Variants in BBS2 observed in about 807,000 individuals in gnomAD.
BBS2 encodes the protein BBSome complex member BBS2.
A neutral mutation model predicts 83.0 loss-of-function variants in BBS2; 62 were observed. That is an observed-to-expected ratio of 0.75 (90% confidence interval 0.61 to 0.92). The LOEUF (loss-of-function observed/expected upper bound fraction) is 0.92. Ranked by LOEUF, BBS2 falls within the 40% of genes least tolerant of loss-of-function variation. The pLI is 0.00. For missense variants in BBS2, 784 were observed against 901.0 expected (o/e 0.87, Z 1.66); for synonymous variants, 303 against 326.1 (o/e 0.93, Z 0.76).
intron 14 of BBS2, 137 bp downstream of exon 14, chr16:56,497,606 G>T: frequency 1.7e-6 from 2 of 1,169,876 alleles, no homozygotes; most frequent in Non-Finnish European, 2.5e-6. Context: ...TCCAATACTA[G>T]TTCAATTTTT....
intron 14 of BBS2, 145 bp from the exon 15 acceptor site, chr16:56,497,224 ATC>A: frequency 1.4e-6 from 1 of 700,672 alleles, no homozygotes; most frequent in African/African-American, 1.7e-5. Flanking sequence ...CCGTTATTTC[ATC>A]TCTGTCTCAA....
rs1407155884 is a variant in BBS2 at position 56,474,724 on chromosome 16, G to C, written c.*1-4029C>G. On this transcript the variant is annotated intron_variant, in intron 17 of 17. Coordinates refer to the BBS2 transcript ENST00000682047. ...CTTCAATCAAAGGTTTGTGGGAATG[G>C]TTTCCCTGTGTTGCTGTATCATTCC... The C allele has an allele frequency of 3.6e-6, 3 of 824,980 alleles. No individual in the cohort carries two copies. The East Asian group carries it at 8.1e-5, about 22-fold the overall frequency. The allele number at this position is 824,980 out of a possible 1,614,324, so 51.1% of individuals were successfully genotyped here.
intron 8 of BBS2, 85 bp from the exon 9 acceptor site, chr16:56,502,541 T>C: frequency 6.2e-7 from 1 of 1,610,718 alleles, no homozygotes; most frequent in Non-Finnish European, 8.5e-7. Context: ...AAACCTAAGT[T>C]CTCCCCAACT....
At chr16:56,500,709 A>C in intron 11 of BBS2, 145 bp downstream of exon 11, 2 of 756,874 alleles carry the variant, frequency 2.6e-6, no homozygotes, top group Non-Finnish European at 2.2e-6. Flanking sequence ...CTGAGGAAAT[A>C]AAAGGTCATG....
chr16:56,510,054 C>T lies in BBS2; in HGVS notation c.535-20G>A, dbSNP rs1043239214. ...AAGAAGCTGAAGGGGAAATATCATA[C>T]ATGTTCAGGTGAGTAAGTGCAAACA... On this transcript the variant is annotated intron_variant, in intron 4 of 16. Transcript: ENST00000245157. The T allele has an allele frequency of 1.9e-6, 3 of 1,612,064 alleles. No homozygotes were observed. The highest frequency in any genetic ancestry group is 1.1e-5 in the South Asian group (1 of 91,028).
intron 7 of BBS2, 122 bp from the exon 8 acceptor site, chr16:56,502,930 A>C: frequency 8.0e-7 from 1 of 1,255,872 alleles, no homozygotes; most frequent in Non-Finnish European, 1.1e-6. Flanking sequence ...TATTCTATGA[A>C]GCCCTACAAC....
chr16:56,507,782 A>G (rs902511006), intron 5 of BBS2, among the ~76,000 whole-genome samples: 8 of 152,310 alleles, frequency 5.3e-5, no homozygotes, highest in African/African-American at 1.9e-4. Flanking sequence ...AGTCTGGCCA[A>G]CATGACGAAA....
At chr16:56,476,360 T>C in intron 17 of BBS2, 1 of 555,392 alleles carries the variant, frequency 1.8e-6, no homozygotes, top group Non-Finnish European at 3.0e-6. Flanking sequence ...ATGATTGTCC[T>C]CAACCGAGAC....
intron 17 of BBS2, among the ~76,000 whole-genome samples, chr16:56,474,008 C>T (rs1482587497): frequency 6.6e-6 from 1 of 152,090 alleles, no homozygotes; most frequent in East Asian, 1.9e-4. Context: ...GGGGTTTTGC[C>T]ATATTGGCCA....
Position 56,519,995 on chromosome 16 carries a change from GC to G in BBS2, c.-134del, listed in dbSNP as rs1442686852. On this transcript the variant is annotated 5_prime_UTR_variant, in exon 1 of 17. Coordinates refer to ENST00000245157, the MANE Select transcript of BBS2 (RefSeq NM_031885.5). ...GCCGCCTCAGGCCGGACGCGAAACA[GC>G]CCGGGACGAACCCGTCCAGGTACCG... 2.6e-6 allele frequency: 2 copies of G among 782,120 alleles called. No individual in the cohort carries two copies. Among genetic ancestry groups the G allele is most frequent in the Non-Finnish European group, 4.4e-6 (2 of 455,164 alleles). The allele number at this position is 782,120 out of a possible 1,614,324, so 48.4% of individuals were successfully genotyped here.
chr16:56,519,122 G>C lies in BBS2; in HGVS notation c.117+624C>G, dbSNP rs1964838237. On this transcript the variant is annotated intron_variant, in intron 1 of 16. Coordinates refer to ENST00000245157, the MANE Select transcript of BBS2 (RefSeq NM_031885.5). ...GAGGCAGGTAAATCACTTGAGGTCA[G>C]GAGTTCGAGACCAGCCTGGCCAACA... Among the ~76,000 whole-genome samples, 3 of 152,234 alleles carry C rather than the reference G, an allele frequency of 2.0e-5. No homozygotes were observed. In the South Asian group the frequency reaches 6.2e-4, roughly 32 times the overall value.
chr16:56,512,376 A>C (rs1368423784), intron 2 of BBS2, among the ~76,000 whole-genome samples: 2 of 152,208 alleles, frequency 1.3e-5, no homozygotes, highest in Non-Finnish European at 2.9e-5. Context: ...ATCTACAAAA[A>C]GTCTTATATA....
chr16:56,484,891 A>C (rs747360794), intron 16 of BBS2, 24 bp from the exon 17 acceptor site: 1 of 1,559,328 alleles, frequency 6.4e-7, no homozygotes, highest in Non-Finnish European at 8.8e-7. Flanking sequence ...AACATCAGGA[A>C]CCAAAAGATT....
intron 17 of BBS2, among the ~76,000 whole-genome samples, chr16:56,475,255 C>G (rs16968949): frequency 0.032 from 4,940 of 152,240 alleles, 130 homozygotes; most frequent in Admixed American, 0.077. Flanking sequence ...TTAATTCTCT[C>G]TTAATTTTCA....
rs368282063 is a variant in BBS2, at chr16:56,498,583, C to A, written c.1528-15G>T. 15 of 1,613,356 alleles carry A rather than the reference C, an allele frequency of 9.3e-6. No homozygotes were observed. In the African/African-American group the frequency reaches 2.0e-4, roughly 22 times the overall value. ...CATACAACAACCTTGAAAATGAACA[C>A]AATGAAATGACCTCCATTTTTAAGG... On this transcript the variant is annotated splice_polypyrimidine_tract_variant and intron_variant, in intron 12 of 16. Coordinates refer to ENST00000245157, the MANE Select transcript of BBS2 (RefSeq NM_031885.5).
intron 11 of BBS2, chr16:56,500,515 C>T (rs1964237824): frequency 6.6e-5 from 20 of 305,302 alleles, no homozygotes; most frequent in South Asian, 6.4e-4. Flanking sequence ...GGTCCCAGTA[C>T]TCAGGAGGCT....
In BBS2 at chr16:56,485,644, A is replaced by G. The variant is rs774115639; in HGVS notation, c.2005T>C (p.Leu669=). The G allele has an allele frequency of 1.9e-6, 3 of 1,614,166 alleles. No individual in the cohort carries two copies. Among genetic ancestry groups the G allele is most frequent in the Non-Finnish European group, 2.5e-6 (3 of 1,180,006 alleles). ...TGATTTACTGCTTTGAGGTTTCCCA[A>G]CAGCTCTGTGTGATTGTTACAGCGA... ...KIRCNNHTEL[L]GNLKAVNQAI... Residue 669 remains leucine, a synonymous_variant, in exon 16 of 17, where the codon TTG becomes CTG. Coordinates refer to ENST00000245157, the MANE Select transcript of BBS2 (RefSeq NM_031885.5).
intron 11 of BBS2, 43 bp from the exon 12 acceptor site, chr16:56,499,950 A>G (rs1166406160): frequency 6.2e-7 from 1 of 1,611,986 alleles, no homozygotes; most frequent in Non-Finnish European, 8.5e-7. Context: ...TTTTGTATAG[A>G]ATGTTCTTTC....
intron 17 of BBS2, among the ~76,000 whole-genome samples, chr16:56,474,235 T>C (rs1470491332): frequency 6.6e-6 from 1 of 152,110 alleles, no homozygotes. Flanking sequence ...AAAATAATAT[T>C]CATGTCGTAT....
Sources: allele counts gnomAD v4.1 joint callset (sites outside exome capture counted in the v4.1 genomes callset), GRCh38; gene constraint gnomAD v4.1.1; transcripts MANE v1.5; gene names NCBI Gene and HGNC (gene_info 2026-07-23, HGNC 2026-07-21).